The following SPAG16 variants were observed in gnomAD, a reference collection of about 807,000 sequenced individuals.
SPAG16 encodes sperm-associated antigen 16 protein.
Under a neutral mutation model 80.4 loss-of-function variants are expected in SPAG16, and 86 were observed. The ratio of observed to expected loss-of-function variants is 1.07; its 90% CI spans 0.90 to 1.28. The LOEUF is 1.28. Among genes scored for constraint, SPAG16 ranks in the 50% most tolerant of loss-of-function variants. The pLI, the probability that SPAG16 is intolerant of heterozygous loss-of-function variation, is 0.00. For missense variants in SPAG16, 870 were observed against 765.3 expected (o/e 1.14, Z -1.61); for synonymous variants, 294 against 265.9 (o/e 1.11, Z -1.03).
At chr2:213,736,173 C>A (rs1325243706) in intron 10 of SPAG16, among the ~76,000 whole-genome samples, 1 of 152,062 alleles carries the variant, frequency 6.6e-6, no homozygotes, top group Non-Finnish European at 1.5e-5. Context: ...CATGATAACT[C>A]AAGGTTTCTT....
intron 9 of SPAG16, among the ~76,000 whole-genome samples, chr2:213,460,182 T>C (rs950774807): frequency 2.0e-5 from 3 of 152,222 alleles, no homozygotes; most frequent in African/African-American, 7.2e-5. Context: ...ACATTTTTTT[T>C]CTTCCATACT....
intron 13 of SPAG16, among the ~76,000 whole-genome samples, chr2:214,058,977 A>G (rs924621173): frequency 1.6e-4 from 24 of 151,806 alleles, no homozygotes; most frequent in African/African-American, 5.8e-4. Context: ...TTTTCTCTAA[A>G]TAGTTTGTGT....
intron 13 of SPAG16, among the ~76,000 whole-genome samples, chr2:214,056,031 T>A (rs1029378445): frequency 2.6e-5 from 4 of 152,182 alleles, no homozygotes; most frequent in Non-Finnish European, 5.9e-5. Flanking sequence ...CTGGTTGGTG[T>A]TCAGATAATT....
chr2:214,363,475 G>A (rs1044792871), intron 15 of SPAG16, among the ~76,000 whole-genome samples: 1 of 151,798 alleles, frequency 6.6e-6, no homozygotes, highest in Non-Finnish European at 1.5e-5. Context: ...ATGTTGATGT[G>A]TCCTGTGGAC....
intron 10 of SPAG16, among the ~76,000 whole-genome samples, chr2:213,770,313 G>A (rs2069172835): frequency 6.6e-6 from 1 of 151,928 alleles, no homozygotes; most frequent in African/African-American, 2.4e-5. Context: ...GAATTGCTAG[G>A]CATCATGATA....
chr2:214,088,269 G>A (rs1163839105), intron 13 of SPAG16, among the ~76,000 whole-genome samples: 2 of 151,972 alleles, frequency 1.3e-5, no homozygotes, highest in Admixed American at 6.6e-5. Context: ...CCATCACCGA[G>A]ATGAATGGTA....
chr2:213,563,636 A>G (rs888931706), intron 10 of SPAG16, among the ~76,000 whole-genome samples: 1 of 152,144 alleles, frequency 6.6e-6, no homozygotes, highest in African/African-American at 2.4e-5. Context: ...TTTAACCTTA[A>G]TTACCTCATA....
At chr2:213,800,521 C>A (rs10932498) in intron 10 of SPAG16, among the ~76,000 whole-genome samples, 52,611 of 151,762 alleles carry the variant, frequency 0.35, 9,674 homozygotes, top group East Asian at 0.5. Context: ...GTGCACACCA[C>A]CATGCTCGTT....
rs1301730344 is a variant in SPAG16, at chr2:214,205,235, G to GA, written c.1720+55971dup. On this transcript the variant is annotated intron_variant, in intron 15 of 15. Coordinates refer to ENST00000331683, the MANE Select transcript of SPAG16 (RefSeq NM_024532.5). ...CGAGACTCTGCCAAAAAAAAAGAAA[G>GA]AAGAAGAAGCTATATCAAAAAAATG... Among the ~76,000 whole-genome samples, 11 of 78,362 alleles carry GA rather than the reference G, an allele frequency of 1.4e-4. No individual in the cohort carries two copies. The East Asian group carries it at 1.6e-3, about 12-fold the overall frequency. 51.4% of individuals were successfully genotyped at this position (78,362 alleles called of 152,430 possible). A position where few individuals can be genotyped will look rare whatever the true frequency, so the allele number is the denominator to read the frequency against.
intron 15 of SPAG16, among the ~76,000 whole-genome samples, chr2:214,400,546 G>A (rs996147731): frequency 2.0e-5 from 3 of 152,134 alleles, no homozygotes; most frequent in East Asian, 3.9e-4. Flanking sequence ...AGGGACTTGA[G>A]CATCTGAAGA....
rs71060436 is a variant in SPAG16 at position 213,525,284 on chromosome 2, C to CTTTTT, written c.1070+35212_1070+35216dup. On this transcript the variant is annotated intron_variant, in intron 10 of 15. Coordinates refer to ENST00000331683, the MANE Select transcript of SPAG16 (RefSeq NM_024532.5). ...AATCAATTAAACCTCTTTTCCTTTT[C>CTTTTT]TTTTTTTTTTTTTTTTTTTTTTGAG... Among the ~76,000 whole-genome samples the CTTTTT allele has an allele frequency of 7.8e-3, 786 of 100,174 alleles. 5 individuals are homozygous for CTTTTT. The highest frequency in any genetic ancestry group is 0.01 in the Non-Finnish European group (532 of 50,696). The allele number at this position is 100,174 out of a possible 152,430, so 65.7% of individuals were successfully genotyped here.
chr2:214,321,482 G>A (rs116569547), intron 15 of SPAG16, among the ~76,000 whole-genome samples: 249 of 152,262 alleles, frequency 1.6e-3, no homozygotes, highest in African/African-American at 5.1e-3. Context: ...CAAAGTGTGC[G>A]TTCAACCTAC....
intron 10 of SPAG16, among the ~76,000 whole-genome samples, chr2:213,521,439 C>G (rs1017275127): frequency 1.3e-5 from 2 of 152,212 alleles, no homozygotes; most frequent in South Asian, 4.1e-4. Context: ...CAGCATATTT[C>G]AGGAAGACTT....
intron 10 of SPAG16, among the ~76,000 whole-genome samples, chr2:213,716,260 G>A (rs2066234598): frequency 6.6e-6 from 1 of 152,130 alleles, no homozygotes. Context: ...AATAGAGATA[G>A]AGCTATGACC....
chr2:214,333,566 T>C (rs1697077552), intron 15 of SPAG16, among the ~76,000 whole-genome samples: 1 of 152,210 alleles, frequency 6.6e-6, no homozygotes, highest in Non-Finnish European at 1.5e-5. Context: ...CTTCCCAGTG[T>C]CATTGGTGTC....
At chr2:213,351,476 T>C (rs1394899229) in intron 7 of SPAG16, among the ~76,000 whole-genome samples, 1 of 152,192 alleles carries the variant, frequency 6.6e-6, no homozygotes, top group African/African-American at 2.4e-5. Context: ...TTTAGGGTTT[T>C]TGTGTAGGCT....
intron 13 of SPAG16, among the ~76,000 whole-genome samples, chr2:214,054,571 A>G (rs2049836590): frequency 6.6e-6 from 1 of 152,152 alleles, no homozygotes; most frequent in African/African-American, 2.4e-5. Context: ...CAAATTATTA[A>G]CTTCAATGAG....
At chr2:213,506,318 T>C (rs1275282947) in intron 10 of SPAG16, among the ~76,000 whole-genome samples, 2 of 152,194 alleles carry the variant, frequency 1.3e-5, no homozygotes, top group African/African-American at 4.8e-5. Flanking sequence ...CTAGAGTATA[T>C]GTGAGGGTAA....
intron 15 of SPAG16, among the ~76,000 whole-genome samples, chr2:214,276,342 G>A (rs1220102607): frequency 1.3e-5 from 2 of 152,216 alleles, no homozygotes; most frequent in African/African-American, 2.4e-5. Flanking sequence ...TCATTATGAT[G>A]TAAGCTGGTT....
Sources: gnomAD v4.1 joint callset for allele counts (sites outside exome capture counted in the v4.1 genomes callset) on GRCh38, gnomAD v4.1.1 for gene constraint, MANE v1.5 for transcripts, NCBI Gene and HGNC (gene_info 2026-07-23, HGNC 2026-07-21) for gene names.